FNBP1L: variants seen among roughly 807,000 people sequenced by gnomAD.
FNBP1L encodes formin-binding protein 1-like.
In FNBP1L, 36 loss-of-function variants were observed where a neutral mutation model predicts 91.2. That is an observed-to-expected ratio of 0.39 (90% CI 0.30 to 0.52). The LOEUF (loss-of-function observed/expected upper bound fraction) is 0.52. FNBP1L is among the 20% of genes least tolerant of loss of function. The pLI is 0.66. For missense variants in FNBP1L, 571 were observed against 732.1 expected, an observed-to-expected ratio of 0.78 and a Z score of 2.54; for synonymous variants, 242 against 237.0, an observed-to-expected ratio of 1.02 and a Z score of -0.19.
rs901358605 is a variant in FNBP1L at position 93,456,466 on chromosome 1, C to T, written c.24+8161C>T. 2.0e-5 allele frequency among the ~76,000 whole-genome samples: 3 copies of T among 151,954 alleles called. No homozygotes were observed. The East Asian group carries it at 5.8e-4, about 29-fold the overall frequency. On this transcript the variant is annotated intron_variant, in intron 1 of 16. Transcript: ENST00000271234. ...TTTTGTTTTTGCTGTGTCCTTGCTG[C>T]ACACCCAATTTATAGAAAAGGAGCC... is the stretch of plus-strand genomic sequence containing the variant.
chr1:93,452,524 G>A (rs1668531366), intron 1 of FNBP1L, among the ~76,000 whole-genome samples: 1 of 152,108 alleles, frequency 6.6e-6, no homozygotes, highest in African/African-American at 2.4e-5. Flanking sequence ...GAAATCTTAG[G>A]CCACATTAAT....
At chr1:93,530,191 AAT>A (rs1671627696) in intron 6 of FNBP1L, among the ~76,000 whole-genome samples, 1 of 152,156 alleles carries the variant, frequency 6.6e-6, no homozygotes, top group African/African-American at 2.4e-5. Flanking sequence ...CTGTATTCTA[AAT>A]AAGCATTCCT....
chr1:93,501,946 G>GAA (rs898462559), intron 2 of FNBP1L, among the ~76,000 whole-genome samples: 4 of 144,818 alleles, frequency 2.8e-5, no homozygotes, highest in Admixed American at 6.9e-5. Context: ...TTCATTGCAG[G>GAA]AAAAAAAAAA....
At chr1:93,456,777 C>CAA (rs113415152) in intron 1 of FNBP1L, among the ~76,000 whole-genome samples, 1 of 132,198 alleles carries the variant, frequency 7.6e-6, no homozygotes, top group South Asian at 2.4e-4. Flanking sequence ...GACCCTGTCT[C>CAA]AAAAAAAAAA....
intron 1 of FNBP1L, among the ~76,000 whole-genome samples, chr1:93,474,848 C>T (rs1669437041): frequency 6.6e-6 from 1 of 152,158 alleles, no homozygotes; most frequent in South Asian, 2.1e-4. Context: ...TGCCTCTTTT[C>T]ACTGTAGTTC....
intron 7 of FNBP1L, among the ~76,000 whole-genome samples, chr1:93,531,920 C>CAA (rs922364218): frequency 6.8e-6 from 1 of 147,774 alleles, no homozygotes. Flanking sequence ...TAGGATATGT[C>CAA]AAAAAAAAAA....
At chr1:93,484,638 T>C (rs1669833303) in intron 1 of FNBP1L, among the ~76,000 whole-genome samples, 1 of 152,208 alleles carries the variant, frequency 6.6e-6, no homozygotes. Flanking sequence ...TGGCAGGAAG[T>C]AGTCTAGGTT....
intron 1 of FNBP1L, among the ~76,000 whole-genome samples, chr1:93,478,728 G>A (rs1669584655): frequency 1.3e-5 from 2 of 152,200 alleles, no homozygotes; most frequent in Admixed American, 6.5e-5. Flanking sequence ...AAGGGAGCCA[G>A]GTTTTTTGAC....
chr1:93,524,073 C>T (rs566806867), intron 4 of FNBP1L, among the ~76,000 whole-genome samples, 188 bp from the exon 5 acceptor site: 74 of 151,972 alleles, frequency 4.9e-4, no homozygotes, highest in African/African-American at 1.7e-3. Flanking sequence ...CTATAAAATG[C>T]ATTTTTAGGA....
intron 2 of FNBP1L, among the ~76,000 whole-genome samples, chr1:93,520,152 A>G (rs1010434627): frequency 6.6e-6 from 1 of 152,108 alleles, no homozygotes; most frequent in Non-Finnish European, 1.5e-5. Context: ...TCTCCTTTCA[A>G]TAGAGTATAA....
chr1:93,523,370 A>G lies in FNBP1L; in HGVS notation c.221A>G (p.Asn74Ser), dbSNP rs1343621333. Residue 74 changes from asparagine to serine, a missense_variant, in exon 4 of 17, where the codon AAT (asparagine) becomes AGT (serine). Asn to Ser is a conservative substitution (Grantham distance 46, BLOSUM62 1). Coordinates refer to ENST00000271234, the MANE Select transcript of FNBP1L (RefSeq NM_001164473.3). ...TTTACCTCGTGTGTAGCCTTTTTTAATATCCTTAATGAGTTAAATGACTAT... is the reference window on the plus strand; with the variant it reads ...TTTACCTCGTGTGTAGCCTTTTTTAGTATCCTTAATGAGTTAAATGACTAT... ...PRFTSCVAFF[N>S]ILNELNDYAG... The G allele has an allele frequency of 7.5e-6, 12 of 1,606,700 alleles. No homozygotes were observed. Among genetic ancestry groups the G allele is most frequent in the Non-Finnish European group, 9.3e-6 (11 of 1,176,578 alleles).
intron 1 of FNBP1L, among the ~76,000 whole-genome samples, chr1:93,494,247 G>GCT (rs943001574): frequency 2.6e-5 from 4 of 152,206 alleles, no homozygotes; most frequent in Admixed American, 2.6e-4. Flanking sequence ...CAGATGAACA[G>GCT]CTAGATGAAG....
rs1313488147 is a variant in FNBP1L, at chr1:93,554,086, A to G, written c.*1670A>G. On this transcript the variant is annotated 3_prime_UTR_variant, in exon 17 of 17. Transcript: ENST00000271234. ...CACCACTGTTACACAGCTGACATATAGTGTATTACCTTTGCAGCTAGTAAA... is the reference window on the plus strand; with the variant it reads ...CACCACTGTTACACAGCTGACATATGGTGTATTACCTTTGCAGCTAGTAAA... The G allele has an allele frequency of 6.6e-6, 1 of 152,658 alleles. No individual in the cohort carries two copies. Among genetic ancestry groups the G allele is most frequent in the Non-Finnish European group, 1.5e-5 (1 of 68,046 alleles). 9.5% of individuals were successfully genotyped at this position (152,658 alleles called of 1,614,324 possible).
chr1:93,464,523 TTTC>T (rs1300502194), intron 1 of FNBP1L, among the ~76,000 whole-genome samples: 2 of 152,194 alleles, frequency 1.3e-5, no homozygotes, highest in Admixed American at 6.5e-5. Context: ...TGTGTTCTGT[TTTC>T]TTTTTACAGA....
intron 8 of FNBP1L, among the ~76,000 whole-genome samples, chr1:93,534,029 G>T (rs565910395): frequency 6.6e-6 from 1 of 152,178 alleles, no homozygotes; most frequent in East Asian, 1.9e-4. Context: ...TGAGTTTAAG[G>T]TATCACTAAA....
At chr1:93,457,141 C>A (rs898792908) in intron 1 of FNBP1L, among the ~76,000 whole-genome samples, 4 of 152,192 alleles carry the variant, frequency 2.6e-5, no homozygotes, top group Non-Finnish European at 4.4e-5. Context: ...GCCTCAGCCT[C>A]CCAAAGCACT....
chr1:93,517,250 T>TG (rs1207625379), intron 2 of FNBP1L, among the ~76,000 whole-genome samples: 1 of 152,196 alleles, frequency 6.6e-6, no homozygotes, highest in African/African-American at 2.4e-5. Flanking sequence ...TTCAGCATGT[T>TG]GGTCAGGCTG....
At chr1:93,451,429 AT>A (rs889142007) in intron 1 of FNBP1L, among the ~76,000 whole-genome samples, 44 of 152,322 alleles carry the variant, frequency 2.9e-4, no homozygotes, top group East Asian at 1.9e-4. Flanking sequence ...TATGAAAAAA[AT>A]ATATGGCTGA....
chr1:93,501,210 G>A (rs955546812), intron 2 of FNBP1L, among the ~76,000 whole-genome samples: 6 of 152,140 alleles, frequency 3.9e-5, no homozygotes, highest in Non-Finnish European at 7.4e-5. Context: ...TGATGGCAGT[G>A]TGAAGGGACA....
Sources: gnomAD v4.1 joint callset for allele counts (sites outside exome capture counted in the v4.1 genomes callset) on GRCh38, gnomAD v4.1.1 for gene constraint, MANE v1.5 for transcripts, NCBI Gene and HGNC (gene_info 2026-07-23, HGNC 2026-07-21) for gene names.